SWT1: variants seen among roughly 807,000 people sequenced by gnomAD.
The protein encoded by SWT1 is transcriptional protein SWT1.
In SWT1, 33 loss-of-function variants were observed where a neutral mutation model predicts 107.3. The ratio of observed to expected loss-of-function variants is 0.31; its 90% CI spans 0.23 to 0.41. SWT1 has a LOEUF of 0.41. Among genes scored for constraint, SWT1 ranks in the 10% least tolerant of loss-of-function variants. The pLI is 1.00. For synonymous variants in SWT1, 345 were observed against 348.3 expected (o/e 0.99, Z 0.11); for missense variants, 898 against 1,028.9 (o/e 0.87, Z 1.74).
chr1:185,207,894 C>G (rs1658464656), intron 13 of SWT1, among the ~76,000 whole-genome samples: 1 of 152,006 alleles, frequency 6.6e-6, no homozygotes, highest in Non-Finnish European at 1.5e-5. Flanking sequence ...GAATGAGACC[C>G]TGTCTCAAAA....
intron 17 of SWT1, among the ~76,000 whole-genome samples, chr1:185,273,441 G>T (rs1453420727): frequency 6.6e-6 from 1 of 151,662 alleles, no homozygotes; most frequent in African/African-American, 2.4e-5. Flanking sequence ...GGTGGCTCAT[G>T]CCTGTAATCC....
intron 16 of SWT1, among the ~76,000 whole-genome samples, chr1:185,257,410 C>T (rs10911699): frequency 6.6e-6 from 1 of 151,378 alleles, no homozygotes; most frequent in Non-Finnish European, 1.5e-5. Flanking sequence ...TGATCTCAGA[C>T]TGCTGTGCTA....
chr1:185,225,881 C>A (rs1315100183), intron 15 of SWT1, among the ~76,000 whole-genome samples: 3 of 152,148 alleles, frequency 2.0e-5, no homozygotes, highest in Non-Finnish European at 4.4e-5. Context: ...AGAAATACTT[C>A]TATTTAGTGT....
chr1:185,206,617 C>T lies in SWT1; in HGVS notation c.1834-8C>T, dbSNP rs1658354689. The T allele has an allele frequency of 6.8e-7, 1 of 1,466,532 alleles. No homozygotes were observed. Among genetic ancestry groups the T allele is most frequent in the Non-Finnish European group, 9.1e-7 (1 of 1,104,014 alleles). The allele number at this position is 1,466,532 out of a possible 1,614,324, so 90.8% of individuals were successfully genotyped here. On this transcript the variant is annotated splice_polypyrimidine_tract_variant and splice_region_variant and intron_variant, in intron 12 of 18. Coordinates refer to ENST00000367500, the MANE Select transcript of SWT1 (RefSeq NM_017673.7). Reference sequence around the variant, plus strand: ...AGAGATGTTAATTTTTTTCTACATACTCTTTAGATCCTGTACCTGAAACCA... The same window carrying T: ...AGAGATGTTAATTTTTTTCTACATATTCTTTAGATCCTGTACCTGAAACCA...
chr1:185,176,553 A>G (rs1399721798), intron 5 of SWT1: 8 of 977,614 alleles, frequency 8.2e-6, no homozygotes, highest in African/African-American at 1.8e-5. Context: ...TTTTGTTTCT[A>G]TGTCAAATAA....
chr1:185,158,209 T>C (rs918470847), intron 1 of SWT1, among the ~76,000 whole-genome samples: 6 of 152,184 alleles, frequency 3.9e-5, no homozygotes, highest in Admixed American at 6.5e-5. Context: ...TTTGGCACTT[T>C]GAAGCACTAA....
At chr1:185,201,507 G>A (rs756526140) in intron 10 of SWT1, among the ~76,000 whole-genome samples, 33 of 152,198 alleles carry the variant, frequency 2.2e-4, no homozygotes, top group Non-Finnish European at 4.4e-4. Context: ...AGGGGAGGGA[G>A]TTCCCTGACC....
rs569658080 is a variant in SWT1 at position 185,252,092 on chromosome 1, A to T, written c.2442-19231A>T. Among the ~76,000 whole-genome samples the T allele has an allele frequency of 5.9e-3, 900 of 151,644 alleles. 7 individuals are homozygous for T. Among genetic ancestry groups the T allele is most frequent in the African/African-American group, 0.021 (865 of 41,466 alleles). On this transcript the variant is annotated intron_variant, in intron 16 of 18. Coordinates refer to ENST00000367500, the MANE Select transcript of SWT1 (RefSeq NM_017673.7). ...AGTTTACTGAGAATGATGATTTCCA[A>T]TTTCATCCGGACATGAACTCATCAT...
intron 16 of SWT1, among the ~76,000 whole-genome samples, chr1:185,231,945 A>G (rs1376458476): frequency 6.6e-6 from 1 of 152,180 alleles, no homozygotes; most frequent in Non-Finnish European, 1.5e-5. Flanking sequence ...GATAACACAA[A>G]AATACTGTTC....
chr1:185,219,476 A>T (rs1007890146), intron 14 of SWT1, among the ~76,000 whole-genome samples: 2 of 152,206 alleles, frequency 1.3e-5, no homozygotes, highest in African/African-American at 2.4e-5. Context: ...TATTTAAAAA[A>T]ATTTTAATAT....
intron 16 of SWT1, chr1:185,263,564 A>T (rs989638649): frequency 6.6e-6 from 1 of 152,240 alleles, no homozygotes; most frequent in African/African-American, 2.4e-5. Flanking sequence ...GCTGTTTTGT[A>T]GACAGAGTTT....
At chr1:185,281,219 T>C in intron 18 of SWT1, 1 of 225,366 alleles carries the variant, frequency 4.4e-6, no homozygotes, top group Non-Finnish European at 8.9e-6. Flanking sequence ...GCCCTAACTC[T>C]TGTTTTGGTC....
At chr1:185,226,855 G>GAGGAA in intron 15 of SWT1, 1 of 1,530,392 alleles carries the variant, frequency 6.5e-7, no homozygotes, top group Non-Finnish European at 8.8e-7. Flanking sequence ...GCCTTCTTTT[G>GAGGAA]AGCTACCCGA....
At chr1:185,170,239 C>T (rs1017977140) in intron 4 of SWT1, among the ~76,000 whole-genome samples, 1 of 152,218 alleles carries the variant, frequency 6.6e-6, no homozygotes, top group Admixed American at 6.5e-5. Flanking sequence ...TAAAACAGAG[C>T]AGACACTTCT....
intron 2 of SWT1, among the ~76,000 whole-genome samples, chr1:185,163,578 T>G (rs1654339377): frequency 6.6e-6 from 1 of 152,098 alleles, no homozygotes; most frequent in Non-Finnish European, 1.5e-5. Context: ...ATATTTTTAG[T>G]AGAGATGGGG....
chr1:185,176,711 C>T (rs1655589990), intron 5 of SWT1: 1 of 984,454 alleles, frequency 1.0e-6, no homozygotes, highest in East Asian at 1.1e-4. Flanking sequence ...GTGGCCAGGC[C>T]TGGTGCCTCA....
rs57512652 is a variant in SWT1 at position 185,228,190 on chromosome 1, C to G, written c.2310-3387C>G. On this transcript the variant is annotated intron_variant, in intron 15 of 18. Transcript: ENST00000367500. ...ATGTGTATATATATATATATATATACATATATATATACTCAGTATGTTTTT... is the reference window on the plus strand; with the variant it reads ...ATGTGTATATATATATATATATATAGATATATATATACTCAGTATGTTTTT... Among the ~76,000 whole-genome samples, 8 of 82,356 alleles carry G rather than the reference C, an allele frequency of 9.7e-5. No homozygotes were observed. In the East Asian group the frequency reaches 1.6e-3, roughly 17 times the overall value. 54.0% of individuals were successfully genotyped at this position (82,356 alleles called of 152,430 possible). A position where few individuals can be genotyped will look rare whatever the true frequency, so the allele number is the denominator to read the frequency against.
In SWT1 at chr1:185,290,919, G is replaced by A. The variant is rs1571727636; in HGVS notation, c.*116G>A. 2 of 798,684 alleles carry A rather than the reference G, an allele frequency of 2.5e-6. No individual in the cohort carries two copies. The allele number at this position is 798,684 out of a possible 1,614,324, so 49.5% of individuals were successfully genotyped here. ...GAGAATTTTAAGAAATGTTTCATAG[G>A]TATAAAAAGGTGATCGCCTATTACT... On this transcript the variant is annotated 3_prime_UTR_variant, in exon 19 of 19. Transcript: ENST00000367500.
At position 185,227,796 on chromosome 1, in the gene SWT1, T is replaced by C. The variant is rs1660188830; in HGVS notation, c.2310-3781T>C. The C allele has an allele frequency of 2.9e-5, 10 of 342,988 alleles. 1 individual carries two copies. Among genetic ancestry groups the C allele is most frequent in the South Asian group, 2.5e-4 (10 of 40,242 alleles). The allele number at this position is 342,988 out of a possible 1,614,324, so 21.2% of individuals were successfully genotyped here. A position where few individuals can be genotyped will look rare whatever the true frequency, so the allele number is the denominator to read the frequency against. ...AAGGCGAGACATTTTTAAAAATGTG[T>C]ATCCTGAGGCCAGGCATGATGGCTC... On this transcript the variant is annotated intron_variant, in intron 15 of 18. Coordinates refer to ENST00000367500, the MANE Select transcript of SWT1 (RefSeq NM_017673.7).
Sources: allele counts gnomAD v4.1 joint callset (sites outside exome capture counted in the v4.1 genomes callset), GRCh38; gene constraint gnomAD v4.1.1; transcripts MANE v1.5; gene names NCBI Gene and HGNC (gene_info 2026-07-23, HGNC 2026-07-21).